KCNH1: variants seen among roughly 807,000 people sequenced by gnomAD.
KCNH1 encodes potassium voltage-gated channel subfamily H member 1, also known as voltage-gated delayed rectifier potassium channel KCNH1.
In KCNH1, 27 loss-of-function variants were observed where a neutral mutation model predicts 69.2. That is an observed-to-expected ratio of 0.39 (90% CI 0.29 to 0.54). The LOEUF is 0.54. Among genes scored for constraint, KCNH1 ranks in the 20% least tolerant of loss-of-function variants. KCNH1 has a pLI of 0.68. For synonymous variants in KCNH1, 456 were observed against 487.7 expected (o/e 0.93, Z 0.86); for missense variants, 798 against 1,261.6 (o/e 0.63, Z 5.57).
intron 6 of KCNH1, among the ~76,000 whole-genome samples, chr1:210,980,561 A>G (rs1421389609): frequency 6.6e-6 from 1 of 152,228 alleles, no homozygotes; most frequent in Non-Finnish European, 1.5e-5. Flanking sequence ...ATACTATAGA[A>G]ATAGCATATG....
chr1:210,948,203 TAAA>T (rs879884169), intron 6 of KCNH1, among the ~76,000 whole-genome samples: 1 of 138,590 alleles, frequency 7.2e-6, no homozygotes. Flanking sequence ...CCTGTCTCTT[TAAA>T]AAAAAAAAAA....
chr1:210,762,492 A>G (rs1683542874), intron 10 of KCNH1, among the ~76,000 whole-genome samples: 1 of 152,194 alleles, frequency 6.6e-6, no homozygotes, highest in African/African-American at 2.4e-5. Context: ...TAGATGAACA[A>G]AGGAGAGAGA....
chr1:210,832,105 C>T (rs1021194835), intron 7 of KCNH1, among the ~76,000 whole-genome samples: 3 of 152,132 alleles, frequency 2.0e-5, no homozygotes, highest in African/African-American at 7.2e-5. Flanking sequence ...ACAGCCCTTG[C>T]TTTTAAATAG....
intron 5 of KCNH1, among the ~76,000 whole-genome samples, chr1:211,020,945 T>A (rs1387454316): frequency 6.6e-6 from 1 of 151,850 alleles, no homozygotes; most frequent in East Asian, 1.9e-4. Context: ...CCTTTCATGA[T>A]AAAAAAAACT....
In KCNH1 at chr1:210,822,146, G is replaced by A. The variant is rs574533327; in HGVS notation, c.1463-17980C>T. On this transcript the variant is annotated intron_variant, in intron 7 of 10. Coordinates refer to ENST00000271751, the MANE Select transcript of KCNH1 (RefSeq NM_172362.3). Reference sequence around the variant, plus strand: ...GGTATGGTCAGGGTGCTGTGAAGGGGTGCCCAGTCTAGACTGGGGTGATGG... The same window carrying A: ...GGTATGGTCAGGGTGCTGTGAAGGGATGCCCAGTCTAGACTGGGGTGATGG... 6.6e-5 allele frequency among the ~76,000 whole-genome samples: 10 copies of A among 152,202 alleles called. 1 individual carries two copies. The highest frequency in any genetic ancestry group is 2.2e-4 in the African/African-American group (9 of 41,536).
intron 7 of KCNH1, among the ~76,000 whole-genome samples, chr1:210,899,389 A>ATAT (rs1181648949): frequency 1.3e-5 from 2 of 151,854 alleles, no homozygotes; most frequent in African/African-American, 4.9e-5. Flanking sequence ...GATAGTCAAC[A>ATAT]TGCAATAACT....
At chr1:211,055,725 A>T (rs1690291152) in intron 5 of KCNH1, among the ~76,000 whole-genome samples, 1 of 152,218 alleles carries the variant, frequency 6.6e-6, no homozygotes, top group African/African-American at 2.4e-5. Flanking sequence ...CAGCTCAGCC[A>T]CAGTAGGATA....
Position 210,684,056 on chromosome 1 carries a change from G to T in KCNH1, c.2195C>A (p.Pro732His). The T allele has an allele frequency of 6.5e-7, 1 of 1,540,390 alleles. No individual in the cohort carries two copies. The highest frequency in any genetic ancestry group is 1.3e-5 in the South Asian group (1 of 79,018). The change falls in exon 11 of 11, where the codon CCC (proline) becomes CAC (histidine). Residue 732 changes from proline (P) to histidine (H), a missense_variant. Coordinates refer to ENST00000271751, the MANE Select transcript of KCNH1 (RefSeq NM_172362.3). ...GAGGCGCCGGACAGGGTGGTCCGGGGGCAAGATCAGGGGGGCCTCATTCTT... is the reference window on the plus strand; with the variant it reads ...GAGGCGCCGGACAGGGTGGTCCGGGTGCAAGATCAGGGGGGCCTCATTCTT... Reference protein sequence around the residue: ...KRKNEAPLILPPDHPVRRLFQ... With the variant: ...KRKNEAPLILHPDHPVRRLFQ...
intron 10 of KCNH1, among the ~76,000 whole-genome samples, chr1:210,697,410 A>T (rs1574188854): frequency 6.6e-6 from 1 of 152,192 alleles, no homozygotes; most frequent in Non-Finnish European, 1.5e-5. Flanking sequence ...CTGCAGGGGG[A>T]CTGGGCTCCA....
At chr1:210,753,305 C>T (rs141238978) in intron 10 of KCNH1, among the ~76,000 whole-genome samples, 6 of 152,170 alleles carry the variant, frequency 3.9e-5, no homozygotes, top group East Asian at 1.9e-4. Context: ...TCAGGAAGCT[C>T]GAGAATGATG....
chr1:210,800,448 C>G (rs1479866205), intron 8 of KCNH1, among the ~76,000 whole-genome samples: 1 of 152,142 alleles, frequency 6.6e-6, no homozygotes, highest in East Asian at 1.9e-4. Context: ...CTTTACTCTT[C>G]CCCTGGAAGA....
chr1:210,982,142 T>C (rs991950456), intron 6 of KCNH1, among the ~76,000 whole-genome samples: 2 of 151,960 alleles, frequency 1.3e-5, no homozygotes, highest in African/African-American at 4.8e-5. Flanking sequence ...GTCTTCTCTT[T>C]TCATAAAATT....
intron 3 of KCNH1, among the ~76,000 whole-genome samples, chr1:211,091,626 G>A (rs188442779): frequency 5.9e-5 from 9 of 152,282 alleles, no homozygotes; most frequent in African/African-American, 1.9e-4. Flanking sequence ...TTTGGGCTTC[G>A]ATCACATTAG....
At chr1:211,052,383 A>G (rs1035091811) in intron 5 of KCNH1, among the ~76,000 whole-genome samples, 4 of 152,230 alleles carry the variant, frequency 2.6e-5, no homozygotes, top group Non-Finnish European at 4.4e-5. Flanking sequence ...AGTCACAGCC[A>G]TATTGCCCAC....
At chr1:211,021,368 T>G (rs1292286747) in intron 5 of KCNH1, among the ~76,000 whole-genome samples, 1 of 152,078 alleles carries the variant, frequency 6.6e-6, no homozygotes, top group Non-Finnish European at 1.5e-5. Flanking sequence ...CACATCATAC[T>G]GAATAGGAAA....
intron 5 of KCNH1, among the ~76,000 whole-genome samples, chr1:211,042,271 T>C (rs1296383291): frequency 6.6e-6 from 1 of 152,224 alleles, no homozygotes; most frequent in Non-Finnish European, 1.5e-5. Context: ...ATTTTTATTA[T>C]ACTCATCAGG....
intron 6 of KCNH1, among the ~76,000 whole-genome samples, chr1:210,934,937 C>G (rs1051839102): frequency 6.6e-6 from 1 of 151,738 alleles, no homozygotes; most frequent in Non-Finnish European, 1.5e-5. Flanking sequence ...GGAAGTTCTT[C>G]AGAAAACTAA....
intron 7 of KCNH1, chr1:210,861,901 A>G (rs1022475784): frequency 6.5e-6 from 5 of 768,656 alleles, no homozygotes; most frequent in African/African-American, 1.7e-5. Context: ...TTTGTCCACA[A>G]TGGCAGTCCA....
intron 6 of KCNH1, among the ~76,000 whole-genome samples, chr1:210,933,010 G>A (rs892107876): frequency 4.6e-5 from 7 of 152,118 alleles, no homozygotes; most frequent in African/African-American, 7.2e-5. Context: ...TACTACAGAC[G>A]TCATAGACAT....
Sources: gnomAD v4.1 joint callset for allele counts (sites outside exome capture counted in the v4.1 genomes callset) on GRCh38, gnomAD v4.1.1 for gene constraint, MANE v1.5 for transcripts, NCBI Gene and HGNC (gene_info 2026-07-23, HGNC 2026-07-21) for gene names.